Variants in ACTR10 observed in about 807,000 individuals in gnomAD.
ACTR10 encodes actin-related protein 10.
In ACTR10, 43 loss-of-function variants were observed where a neutral mutation model predicts 56.2. The observed-to-expected ratio is 0.77, with a 90% CI of 0.60 to 0.99. ACTR10 has a LOEUF of 0.99. Ranked by LOEUF, ACTR10 falls within the 50% of genes least tolerant of loss-of-function variation. The pLI is 0.00. For missense variants in ACTR10, 466 were observed against 507.8 expected (o/e 0.92, Z 0.79); for synonymous variants, 170 against 176.3 (o/e 0.96, Z 0.28).
chr14:58,213,379 C>T, intron 5 of ACTR10: 1 of 310,744 alleles, frequency 3.2e-6, no homozygotes, highest in South Asian at 8.9e-5. Context: ...CTAGTGGCTA[C>T]TTTATCAGAT....
At chr14:58,222,738 C>A (rs1889302169) in intron 8 of ACTR10, among the ~76,000 whole-genome samples, 1 of 130,580 alleles carries the variant, frequency 7.7e-6, no homozygotes, top group Non-Finnish European at 1.5e-5. Context: ...GCACTCCAGT[C>A]TGGGCAATAG....
At position 58,235,417 on chromosome 14, in the gene ACTR10, T is replaced by C. The variant is rs1390445199; in HGVS notation, c.*866T>C. 2 of 152,200 alleles carry C rather than the reference T, an allele frequency of 1.3e-5. No individual in the cohort carries two copies. The highest frequency in any genetic ancestry group is 3.8e-4 in the East Asian group (2 of 5,198). 9.4% of individuals were successfully genotyped at this position (152,200 alleles called of 1,614,324 possible). A position where few individuals can be genotyped will look rare whatever the true frequency, so the allele number is the denominator to read the frequency against. On this transcript the variant is annotated 3_prime_UTR_variant, in exon 13 of 13. Coordinates refer to ENST00000254286, the MANE Select transcript of ACTR10 (RefSeq NM_018477.3). ...TGTGGAAATGTTCACTTTTTAACTTTACAGTTTTTTTAATGAGCAATTCTA... is the reference window on the plus strand; with the variant it reads ...TGTGGAAATGTTCACTTTTTAACTTCACAGTTTTTTTAATGAGCAATTCTA...
intron 2 of ACTR10, among the ~76,000 whole-genome samples, chr14:58,203,459 G>A (rs568752310): frequency 6.6e-6 from 1 of 152,098 alleles, no homozygotes; most frequent in South Asian, 2.1e-4. Flanking sequence ...CCACAATCCA[G>A]TTTTAGAATG....
At chr14:58,233,119 C>T (rs984860146) in intron 12 of ACTR10, among the ~76,000 whole-genome samples, 2 of 151,956 alleles carry the variant, frequency 1.3e-5, no homozygotes, top group African/African-American at 4.8e-5. Flanking sequence ...GTGATCCGCC[C>T]GCCTCTGCCT....
chr14:58,223,981 C>A, intron 10 of ACTR10, 125 bp downstream of exon 10: 1 of 763,300 alleles, frequency 1.3e-6, no homozygotes, highest in Non-Finnish European at 2.1e-6. Flanking sequence ...TGTTAAGCCT[C>A]ATTATTCATG....
intron 4 of ACTR10, 32 bp from the exon 5 acceptor site, chr14:58,211,260 G>A (rs748904123): frequency 2.3e-5 from 34 of 1,484,054 alleles, no homozygotes; most frequent in African/African-American, 2.8e-5. Flanking sequence ...CACTCATTCC[G>A]GTTTTGTTGT....
intron 7 of ACTR10, among the ~76,000 whole-genome samples, chr14:58,216,221 C>T (rs1889131224): frequency 6.6e-6 from 1 of 152,146 alleles, no homozygotes; most frequent in African/African-American, 2.4e-5. Context: ...ACCTCCTAGG[C>T]TCAAGCCATC....
chr14:58,215,338 A>G, intron 7 of ACTR10, 54 bp downstream of exon 7: 1 of 1,173,564 alleles, frequency 8.5e-7, no homozygotes, highest in South Asian at 1.4e-5. Flanking sequence ...TTTGTTCTTC[A>G]ACTTGTATTT....
chr14:58,228,245 G>A (rs1889445605), intron 10 of ACTR10, among the ~76,000 whole-genome samples: 1 of 152,134 alleles, frequency 6.6e-6, no homozygotes, highest in Non-Finnish European at 1.5e-5. Context: ...GATGGCTGTT[G>A]GAGTTGTAGC....
At chr14:58,228,544 C>T (rs1013931931) in intron 10 of ACTR10, among the ~76,000 whole-genome samples, 1 of 151,840 alleles carries the variant, frequency 6.6e-6, no homozygotes, top group Admixed American at 6.6e-5. Flanking sequence ...ATTGCTTGAA[C>T]CTGGGAGGCT....
At position 58,202,926 on chromosome 14, in the gene ACTR10, A is replaced by C. The variant is rs1888761014; in HGVS notation, c.149A>C (p.Lys50Thr). The C allele has an allele frequency of 2.6e-6, 4 of 1,544,058 alleles. No individual in the cohort carries two copies. Among genetic ancestry groups the C allele is most frequent in the Non-Finnish European group, 1.8e-6 (2 of 1,134,180 alleles). ...GTGATAAAAAGAGCTGGGATGCCTAAGGTATTTAAAAAAAAATATTAGCAA... is the reference window on the plus strand; with the variant it reads ...GTGATAAAAAGAGCTGGGATGCCTACGGTATTTAAAAAAAAATATTAGCAA... ...PSVIKRAGMP[K>T]PVRVVQYNIN... is the part of the protein sequence containing the mutation. The change falls in exon 2 of 13, where the codon AAG becomes ACG. Residue 50 changes from lysine to threonine, a missense_variant and splice_region_variant. Transcript: ENST00000254286.
intron 7 of ACTR10, among the ~76,000 whole-genome samples, chr14:58,217,977 CTT>C (rs891422067): frequency 6.6e-6 from 1 of 152,178 alleles, no homozygotes; most frequent in African/African-American, 2.4e-5. Flanking sequence ...GGGAATGCCT[CTT>C]GTTTCTAGTC....
intron 1 of ACTR10, among the ~76,000 whole-genome samples, chr14:58,202,652 A>C (rs1031893919): frequency 6.6e-6 from 1 of 152,024 alleles, no homozygotes; most frequent in Non-Finnish European, 1.5e-5. Flanking sequence ...AATTTCATAG[A>C]ATTTTTTTCT....
rs10542034 is a variant in ACTR10, at chr14:58,227,166, CTTTTT to C, written c.789-3222_789-3218del. 3.6e-3 allele frequency among the ~76,000 whole-genome samples: 535 copies of C among 146,590 alleles called. 1 individual carries two copies. Among genetic ancestry groups the C allele is most frequent in the African/African-American group, 6.5e-3 (260 of 39,950 alleles). The stretch of plus-strand genomic sequence containing the variant: ...GTAATTCATAATTTATGATTTCCAG[CTTTTT>C]TTTTTTTTTTCTTTTTATAAGTACA... On this transcript the variant is annotated intron_variant, in intron 10 of 12. Coordinates refer to ENST00000254286, the MANE Select transcript of ACTR10 (RefSeq NM_018477.3).
At chr14:58,202,080 G>A (rs1458413832) in intron 1 of ACTR10, among the ~76,000 whole-genome samples, 1 of 151,350 alleles carries the variant, frequency 6.6e-6, no homozygotes, top group Non-Finnish European at 1.5e-5. Flanking sequence ...AGTTAATTAT[G>A]TATGAAGTGT....
In ACTR10 at chr14:58,234,818, C is replaced by CTTTTTT. The variant is rs527714860; in HGVS notation, c.*283_*288dup. 1.0e-5 allele frequency: 1 copy of CTTTTTT among 97,330 alleles called. No homozygotes were observed. Among genetic ancestry groups the CTTTTTT allele is most frequent in the Non-Finnish European group, 1.9e-5 (1 of 52,292 alleles). 6.0% of individuals were successfully genotyped at this position (97,330 alleles called of 1,614,324 possible). ...TTGATTTTGGAAGTTTGTTATGTGG[C>CTTTTTT]TTTTTTTTTTTTTTTTTTTTTGAGA... On this transcript the variant is annotated 3_prime_UTR_variant, in exon 13 of 13. Coordinates refer to ENST00000254286, the MANE Select transcript of ACTR10 (RefSeq NM_018477.3).
At chr14:58,233,158 C>T (rs1462388407) in intron 12 of ACTR10, among the ~76,000 whole-genome samples, 1 of 152,130 alleles carries the variant, frequency 6.6e-6, no homozygotes, top group Admixed American at 6.5e-5. Flanking sequence ...CAGGTGTGAG[C>T]CACCGCCCCT....
At chr14:58,230,198 C>T (rs1250780661) in intron 10 of ACTR10, among the ~76,000 whole-genome samples, 6 of 152,188 alleles carry the variant, frequency 3.9e-5, no homozygotes. Flanking sequence ...TAACTCATTG[C>T]ATCTTCACCT....
chr14:58,203,232 G>A (rs1489908751), intron 2 of ACTR10, among the ~76,000 whole-genome samples: 1 of 150,894 alleles, frequency 6.6e-6, no homozygotes, highest in Non-Finnish European at 1.5e-5. Context: ...AACCCGGGAG[G>A]CGGAGGTTGC....
Sources: gnomAD v4.1 joint callset for allele counts (sites outside exome capture counted in the v4.1 genomes callset) on GRCh38, gnomAD v4.1.1 for gene constraint, MANE v1.5 for transcripts, NCBI Gene and HGNC (gene_info 2026-07-23, HGNC 2026-07-21) for gene names.